EPB41: variants seen among roughly 807,000 people sequenced by gnomAD.
EPB41 encodes the protein erythrocyte membrane protein band 4.1.
In EPB41, 65 loss-of-function variants were observed where a neutral mutation model predicts 108.0. That is an observed-to-expected ratio of 0.60 (90% CI 0.49 to 0.74). The LOEUF is 0.74. EPB41 is among the 30% of genes least tolerant of loss of function. The probability of loss-of-function intolerance (pLI) is 0.00; values close to 1 mark genes in which losing one functional copy is unlikely to be tolerated. For missense variants in EPB41, 875 were observed against 1,037.0 expected, an observed-to-expected ratio of 0.84 and a Z score of 2.15; for synonymous variants, 336 against 358.9, an observed-to-expected ratio of 0.94 and a Z score of 0.72.
At chr1:28,956,335 AAG>A (rs1206908610) in intron 1 of EPB41, among the ~76,000 whole-genome samples, 1 of 152,110 alleles carries the variant, frequency 6.6e-6, no homozygotes, top group Non-Finnish European at 1.5e-5. Flanking sequence ...CAACAAAGGC[AAG>A]AGAGAGAGAG....
chr1:28,895,104 C>T (rs181813777), intron 1 of EPB41, among the ~76,000 whole-genome samples: 2 of 152,230 alleles, frequency 1.3e-5, no homozygotes, highest in East Asian at 3.9e-4. Flanking sequence ...TATTAAAAGA[C>T]ACCTCCCTTG....
At chr1:28,921,940 A>ATATATATATATATATATATG (rs2093109771) in intron 1 of EPB41, among the ~76,000 whole-genome samples, 1 of 64,836 alleles carries the variant, frequency 1.5e-5, no homozygotes, top group South Asian at 7.5e-4. Context: ...ATGAAATTTT[A>ATATATATATATATATATATG]TATATATATA....
upstream of EPB41, among the ~76,000 whole-genome samples, chr1:28,912,501 C>A (rs543353256): frequency 6.6e-6 from 1 of 152,270 alleles, no homozygotes; most frequent in Non-Finnish European, 1.5e-5. Context: ...AGTTCCACAC[C>A]TCTCAGTCCA....
Position 29,058,572 on chromosome 1 carries a change from T to C in EPB41, c.1846-17T>C. 6.2e-7 allele frequency: 1 copy of C among 1,610,766 alleles called. No individual in the cohort carries two copies. Among genetic ancestry groups the C allele is most frequent in the Non-Finnish European group, 8.5e-7 (1 of 1,177,794 alleles). ...CTAACCTAAAATGTTTTTACTACTT[T>C]TATTTCTTAAATGTAGGTGGAAAAA... On this transcript the variant is annotated splice_polypyrimidine_tract_variant and intron_variant, in intron 12 of 20. Coordinates refer to ENST00000343067, the MANE Select transcript of EPB41 (RefSeq NM_001376013.1).
rs34413393 is a variant in EPB41, at chr1:29,061,572, G to GTTTTTTTTTTTTTTTTTTT, written c.2007+1096_2007+1114dup. On this transcript the variant is annotated intron_variant, in intron 15 of 20. Transcript: ENST00000343067. ...GCGTGAGCCACTGCGCCTGGCCTTT[G>GTTTTTTTTTTTTTTTTTTT]TTTTTTTTTTTTTTTTTTTTTTTTT... is the stretch of plus-strand genomic sequence containing the variant. Among the ~76,000 whole-genome samples the GTTTTTTTTTTTTTTTTTTT allele has an allele frequency of 6.2e-5, 4 of 64,050 alleles. 1 individual carries two copies. In the Admixed American group the frequency reaches 7.2e-4, roughly 11 times the overall value. The allele number at this position is 64,050 out of a possible 152,430, so 42.0% of individuals were successfully genotyped here. A position where few individuals can be genotyped will look rare whatever the true frequency, so the allele number is the denominator to read the frequency against.
chr1:28,979,870 G>A (rs1392601033), intron 1 of EPB41, among the ~76,000 whole-genome samples: 1 of 152,158 alleles, frequency 6.6e-6, no homozygotes, highest in African/African-American at 2.4e-5. Context: ...GAAGAAAATG[G>A]ATTTTGATTG....
intron 17 of EPB41, among the ~76,000 whole-genome samples, chr1:29,099,868 A>C (rs1383312477): frequency 1.3e-5 from 2 of 152,248 alleles, no homozygotes; most frequent in Admixed American, 6.5e-5. Flanking sequence ...AGAAACAGGC[A>C]ATAAAGCACA....
chr1:29,031,942 A>G (rs2096794497), intron 8 of EPB41: 2 of 151,804 alleles, frequency 1.3e-5, no homozygotes, highest in African/African-American at 4.8e-5. Flanking sequence ...AGAAAATACA[A>G]AAAATTAGTC....
In EPB41 at chr1:29,036,738, G is replaced by A. The variant is rs373924854; in HGVS notation, c.1463+815G>A. ...GTCGCCCAGGCTGGAGTGCAGTGGC[G>A]GATCTCGGCTCACTGCAAACTCCTA... On this transcript the variant is annotated intron_variant, in intron 10 of 20. Coordinates refer to ENST00000343067, the MANE Select transcript of EPB41 (RefSeq NM_001376013.1). Among the ~76,000 whole-genome samples, 18 of 146,476 alleles carry A rather than the reference G, an allele frequency of 1.2e-4. No homozygotes were observed. In the East Asian group the frequency reaches 2.1e-3, roughly 17 times the overall value.
intron 1 of EPB41, among the ~76,000 whole-genome samples, chr1:28,978,175 A>G (rs1461971836): frequency 6.6e-6 from 1 of 151,316 alleles, no homozygotes; most frequent in Non-Finnish European, 1.5e-5. Context: ...GTTTTCATTT[A>G]TTCTTATGTT....
chr1:29,053,391 A>G (rs1644841404), intron 12 of EPB41, 79 bp downstream of exon 12: 1 of 1,455,126 alleles, frequency 6.9e-7, no homozygotes, highest in Non-Finnish European at 9.6e-7. Flanking sequence ...AACGTTTTCA[A>G]AGCAATTGCT....
intron 1 of EPB41, among the ~76,000 whole-genome samples, chr1:28,975,072 C>T (rs1377762016): frequency 6.6e-6 from 1 of 151,786 alleles, no homozygotes; most frequent in Admixed American, 6.6e-5. Flanking sequence ...GGATTACAGG[C>T]ATGAGCCACC....
intron 1 of EPB41, among the ~76,000 whole-genome samples, chr1:28,927,506 G>A (rs577646479): frequency 2.6e-5 from 4 of 152,262 alleles, no homozygotes; most frequent in African/African-American, 9.6e-5. Context: ...TATGGTCTTT[G>A]TTCCTAAGGA....
intron 16 of EPB41, among the ~76,000 whole-genome samples, chr1:29,084,642 TAATA>T (rs1445681321): frequency 6.6e-6 from 1 of 152,176 alleles, no homozygotes; most frequent in Admixed American, 6.5e-5. Context: ...CTAGAAACAG[TAATA>T]AATCTCTGAC....
rs2096605266 is a variant in EPB41 at position 29,018,517 on chromosome 1, G to A, written c.1124+75G>A. 1.4e-6 allele frequency: 2 copies of A among 1,402,164 alleles called. No homozygotes were observed. Among genetic ancestry groups the A allele is most frequent in the South Asian group, 1.2e-5 (1 of 85,984 alleles). 86.9% of individuals were successfully genotyped at this position (1,402,164 alleles called of 1,614,324 possible). A position where few individuals can be genotyped will look rare whatever the true frequency, so the allele number is the denominator to read the frequency against. ...AAACACAACATGGTATTGGTTCATT[G>A]TTTGCCTAAGAGGGATCATGGTGCC... On this transcript the variant is annotated intron_variant, in intron 7 of 20. Coordinates refer to ENST00000343067, the MANE Select transcript of EPB41 (RefSeq NM_001376013.1). This position sits in a 1 kb window ranked among gnomAD's most constrained non-coding sequence, Gnocchi z 4.4.
At chr1:28,998,498 G>A (rs541923332) in intron 4 of EPB41, among the ~76,000 whole-genome samples, 3 of 152,274 alleles carry the variant, frequency 2.0e-5, no homozygotes, top group South Asian at 2.1e-4. Flanking sequence ...AAGGGCAGCA[G>A]CCTTCAACAT....
chr1:28,985,611 A>G (rs1461766995), intron 1 of EPB41: 3 of 152,262 alleles, frequency 2.0e-5, no homozygotes, highest in African/African-American at 7.2e-5. Flanking sequence ...GTGTAAGTAG[A>G]GAGAGCAGCA....
At chr1:29,109,844 A>T (rs1448627797) in intron 18 of EPB41, 3 of 276,104 alleles carry the variant, frequency 1.1e-5, no homozygotes, top group Admixed American at 4.5e-5. Flanking sequence ...GACTAGCCTG[A>T]CCAACATGGT....
intron 1 of EPB41, among the ~76,000 whole-genome samples, chr1:28,934,273 ACATCCTATCAAT>A (rs1290297476): frequency 6.6e-6 from 1 of 152,208 alleles, no homozygotes; most frequent in Non-Finnish European, 1.5e-5. Flanking sequence ...TATCAAGGGT[ACATCCTATCAAT>A]ATGACTTATC....
Sources: gnomAD v4.1 joint callset for allele counts (sites outside exome capture counted in the v4.1 genomes callset) on GRCh38, gnomAD v4.1.1 for gene constraint, Gnocchi (gnomAD v3.1) non-coding constraint, MANE v1.5 for transcripts, NCBI Gene and HGNC (gene_info 2026-07-23, HGNC 2026-07-21) for gene names.